Variants in CCNQ observed in about 807,000 individuals in gnomAD.
CCNQ encodes cyclin Q, also known as cyclin-Q.
Under a neutral mutation model 17.7 loss-of-function variants are expected in CCNQ, and 3 were observed. The ratio of observed to expected loss-of-function variants is 0.17; its 90% CI spans 0.08 to 0.44. CCNQ has a LOEUF of 0.44. Among genes scored for constraint, CCNQ ranks in the 20% least tolerant of loss-of-function variants. The pLI, the probability that CCNQ is intolerant of heterozygous loss-of-function variation, is 0.99. For synonymous variants in CCNQ, 73 were observed against 96.0 expected (o/e 0.76, Z 1.40); for missense variants, 146 against 222.6 (o/e 0.66, Z 2.19).
chrX:153,590,615 G>A (rs1391499563), intron 4 of CCNQ, among the ~76,000 whole-genome samples: 2 of 112,193 alleles, frequency 1.8e-5, no homozygotes, highest in South Asian at 7.4e-4. Context: ...CACCGTGAAT[G>A]TGCTTCCGTC....
chrX:153,595,500 G>A (rs1164043041), intron 2 of CCNQ, among the ~76,000 whole-genome samples: 3 of 113,562 alleles, frequency 2.6e-5, no homozygotes, highest in Non-Finnish European at 3.7e-5. Flanking sequence ...TTCCCAGACC[G>A]TCTTTCCCTC....
At chrX:153,589,727 C>T (rs1337902740) in intron 4 of CCNQ, among the ~76,000 whole-genome samples, 1 of 112,725 alleles carries the variant, frequency 8.9e-6, no homozygotes, top group Admixed American at 9.4e-5. Flanking sequence ...CTGCTGAATG[C>T]TCCCAAAGAA....
intron 4 of CCNQ, among the ~76,000 whole-genome samples, chrX:153,589,378 C>T (rs1557025270): frequency 8.8e-6 from 1 of 113,048 alleles, no homozygotes; most frequent in Non-Finnish European, 1.9e-5. Flanking sequence ...CTCCCCTGGG[C>T]GAGGAGCCGC....
Position 153,589,590 on chromosome X carries a change from C to A in CCNQ, c.658-1136G>T, listed in dbSNP as rs141774213. ...ATAAGGGAAATAGTAAGTAAAGCAG[C>A]AAGACCTTGGTCAGATGCTGCGTCT... is the stretch of plus-strand genomic sequence containing the variant. On this transcript the variant is annotated intron_variant, in intron 4 of 4. Transcript: ENST00000576892. Among the ~76,000 whole-genome samples the A allele has an allele frequency of 8.4e-3, 947 of 113,031 alleles. 12 individuals carry two copies. The highest frequency in any genetic ancestry group is 0.029 in the African/African-American group (890 of 31,149).
intron 1 of CCNQ, among the ~76,000 whole-genome samples, chrX:153,596,771 A>G (rs2091031455): frequency 8.9e-6 from 1 of 112,343 alleles, no homozygotes; most frequent in Non-Finnish European, 1.9e-5. Flanking sequence ...AAGAGTAACC[A>G]CTTGCATTGC....
intron 3 of CCNQ, 103 bp downstream of exon 3, chrX:153,594,444 C>A (rs782195865): frequency 2.7e-4 from 278 of 1,047,293 alleles, no homozygotes; most frequent in Admixed American, 3.9e-4. Flanking sequence ...TGCTCTCCTT[C>A]TGTGCTGTGC....
At chrX:153,592,276 C>T (rs189112137) in intron 4 of CCNQ, among the ~76,000 whole-genome samples, 1,374 of 113,179 alleles carry the variant, frequency 0.012, 21 homozygotes, top group African/African-American at 0.043. Context: ...ACACCGGCGA[C>T]GTCGGTGGAG....
At chrX:153,598,689 T>C (rs1169935010) in intron 1 of CCNQ, among the ~76,000 whole-genome samples, 1 of 112,989 alleles carries the variant, frequency 8.9e-6, no homozygotes, top group Non-Finnish European at 1.9e-5. Flanking sequence ...TGCGCAGAGC[T>C]GCGGGCGCCC....
intron 1 of CCNQ, among the ~76,000 whole-genome samples, chrX:153,597,005 C>T (rs987420218): frequency 6.2e-5 from 7 of 112,056 alleles, no homozygotes; most frequent in Non-Finnish European, 1.3e-4. Context: ...GTGAACAAAA[C>T]TCAAAACACC....
intron 2 of CCNQ, among the ~76,000 whole-genome samples, chrX:153,595,229 C>T (rs782060985): frequency 1.8e-5 from 2 of 113,375 alleles, no homozygotes; most frequent in South Asian, 3.6e-4. Flanking sequence ...GCGATCCTCC[C>T]GCCTCAGCTA....
rs1025698292 is a variant in CCNQ at position 153,588,430 on chromosome X, G to C, written c.682C>G (p.Pro228Ala). The C allele has an allele frequency of 3.3e-6, 4 of 1,207,019 alleles. No homozygotes were observed. Among genetic ancestry groups the C allele is most frequent in the Non-Finnish European group, 4.5e-6 (4 of 891,883 alleles). Residue 228 changes from proline to alanine, a missense_variant, in exon 5 of 5, where the codon CCA becomes GCA. By Grantham distance (27) the Pro-to-Ala change is conservative. Transcript: ENST00000576892. ...TCAGACACAATATTATCAATGATTG[G>C]CTTGGTAAGGTCGTCATTAAACACC... ...WQVFNDDLTK[P>A]IIDNIVSDLI...
chrX:153,596,188 C>T lies in CCNQ; in HGVS notation c.113-1G>A. On this transcript the variant is annotated splice_acceptor_variant, in intron 1 of 4. Transcript: ENST00000576892. LOFTEE classifies it high-confidence loss of function. ...ATGGACCGCATCCCTAGCTTGACAC[C>T]TGCGGAGAGAAAGCAGGCAAGAGAG... 1 of 1,210,462 alleles carries T rather than the reference C, an allele frequency of 8.3e-7. No individual in the cohort carries two copies. Among genetic ancestry groups the T allele is most frequent in the Admixed American group, 2.2e-5 (1 of 45,913 alleles).
rs782789648 is a variant in CCNQ at position 153,594,522 on chromosome X, C to T, written c.429+25G>A. The stretch of plus-strand genomic sequence containing the variant: ...AGACCATGGCTTGAGCCTCTCCAAA[C>T]AGGCACCAGTTCCCCAGTATGTACC... On this transcript the variant is annotated intron_variant, in intron 3 of 4. Coordinates refer to ENST00000576892, the MANE Select transcript of CCNQ (RefSeq NM_152274.5). 4 of 1,207,743 alleles carry T rather than the reference C, an allele frequency of 3.3e-6. No individual in the cohort carries two copies. The East Asian group carries it at 8.9e-5, about 27-fold the overall frequency.
intron 1 of CCNQ, 40 bp from the exon 2 acceptor site, chrX:153,596,227 C>T (rs781843124): frequency 2.0e-5 from 24 of 1,177,769 alleles, no homozygotes; most frequent in Admixed American, 1.3e-4. Context: ...TTCAATCCAG[C>T]GCTGGCTCAC....
At chrX:153,591,600 GC>G (rs1256249174) in intron 4 of CCNQ, among the ~76,000 whole-genome samples, 2 of 110,273 alleles carry the variant, frequency 1.8e-5, no homozygotes, top group Non-Finnish European at 3.8e-5. Flanking sequence ...GAGGGTGTTT[GC>G]CCCCCCCAGA....
chrX:153,589,342 G>A (rs781946545), intron 4 of CCNQ, among the ~76,000 whole-genome samples: 223 of 113,021 alleles, frequency 2.0e-3, no homozygotes, highest in Middle Eastern at 9.2e-3. Flanking sequence ...CACTGTTGCC[G>A]AAAGAAACAG....
chrX:153,592,840 A>G, intron 3 of CCNQ, 107 bp from the exon 4 acceptor site: 1 of 765,858 alleles, frequency 1.3e-6, no homozygotes, highest in East Asian at 3.5e-5. Context: ...CATGTCCCTC[A>G]GGAAGAAGCC....
rs1557026625 is a variant in CCNQ, at chrX:153,594,693, T to C, written c.297-14A>G. ...GGGTTAAAGTACCTGCGCAGAGAAA[T>C]GGCAATGCTTCAGCAGCCAGGGCAG... On this transcript the variant is annotated splice_polypyrimidine_tract_variant and intron_variant, in intron 2 of 4. Coordinates refer to ENST00000576892, the MANE Select transcript of CCNQ (RefSeq NM_152274.5). 2.5e-6 allele frequency: 3 copies of C among 1,209,809 alleles called. No individual in the cohort carries two copies. The highest frequency in any genetic ancestry group is 3.4e-6 in the Non-Finnish European group (3 of 895,011).
At chrX:153,589,810 G>T (rs1471002058) in intron 4 of CCNQ, among the ~76,000 whole-genome samples, 1 of 112,175 alleles carries the variant, frequency 8.9e-6, no homozygotes, top group Non-Finnish European at 1.9e-5. Context: ...TCCTGACTCA[G>T]GAAGCATAGC....
Sources: gnomAD v4.1 joint callset for allele counts (sites outside exome capture counted in the v4.1 genomes callset) on GRCh38, gnomAD v4.1.1 for gene constraint, MANE v1.5 for transcripts, NCBI Gene and HGNC (gene_info 2026-07-23, HGNC 2026-07-21) for gene names.